DGKB: variants seen among roughly 807,000 people sequenced by gnomAD.
The protein encoded by DGKB is diacylglycerol kinase beta.
Under a neutral mutation model 114.3 loss-of-function variants are expected in DGKB, and 67 were observed. The observed-to-expected ratio is 0.59, with a 90% CI of 0.48 to 0.72. The LOEUF (loss-of-function observed/expected upper bound fraction) is 0.72, where lower values mean the gene tolerates loss of function less well. DGKB is among the 30% of genes least tolerant of loss of function. The probability of loss-of-function intolerance (pLI) is 0.00; values close to 1 mark genes in which losing one functional copy is unlikely to be tolerated. For missense variants in DGKB, 907 were observed against 975.2 expected (o/e 0.93, Z 0.93); for synonymous variants, 398 against 323.1 (o/e 1.23, Z -2.49).
chr7:14,243,701 A>C (rs983130821), intron 23 of DGKB, among the ~76,000 whole-genome samples: 1 of 152,130 alleles, frequency 6.6e-6, no homozygotes, highest in Non-Finnish European at 1.5e-5. Flanking sequence ...CTCTCCTCTT[A>C]ATATTACCTC....
chr7:14,233,368 T>A (rs1033345316), intron 23 of DGKB, among the ~76,000 whole-genome samples: 3 of 152,028 alleles, frequency 2.0e-5, no homozygotes, highest in African/African-American at 7.2e-5. Context: ...GGGGAGGATG[T>A]TCGTATTTGC....
At chr7:14,669,209 T>C (rs981817853) in intron 13 of DGKB, among the ~76,000 whole-genome samples, 2 of 152,202 alleles carry the variant, frequency 1.3e-5, no homozygotes. Flanking sequence ...TTGTTCCTTT[T>C]AAAATATAAG....
At chr7:14,899,338 T>C (rs1782613700) in intron 1 of DGKB, among the ~76,000 whole-genome samples, 1 of 152,142 alleles carries the variant, frequency 6.6e-6, no homozygotes, top group Admixed American at 6.6e-5. Flanking sequence ...AAAAAGAGTA[T>C]GTAAAGGAGA....
At chr7:14,601,486 T>C (rs983119890) in intron 17 of DGKB, among the ~76,000 whole-genome samples, 2 of 152,194 alleles carry the variant, frequency 1.3e-5, no homozygotes, top group African/African-American at 2.4e-5. Context: ...TGTTTTATCA[T>C]AAACACATTT....
chr7:14,841,436 T>C lies in DGKB; in HGVS notation c.-173A>G. ...CTGCTTTGGATGCTTGTAATTTCAA[T>C]AATGTGTTAAAGAACTGCAAAAAAA... On this transcript the variant is annotated 5_prime_UTR_variant, in exon 2 of 26. Coordinates refer to ENST00000402815, the MANE Select transcript of DGKB (RefSeq NM_001350709.2). 1 of 433,678 alleles carries C rather than the reference T, an allele frequency of 2.3e-6. No individual in the cohort carries two copies. The highest frequency in any genetic ancestry group is 4.0e-6 in the Non-Finnish European group (1 of 251,812). 26.9% of individuals were successfully genotyped at this position (433,678 alleles called of 1,614,324 possible).
At chr7:14,531,101 T>A (rs965176346) in intron 20 of DGKB, among the ~76,000 whole-genome samples, 1 of 151,590 alleles carries the variant, frequency 6.6e-6, no homozygotes, top group Non-Finnish European at 1.5e-5. Flanking sequence ...AATACACTTA[T>A]CTATTCCTTA....
intron 1 of DGKB, among the ~76,000 whole-genome samples, chr7:14,898,810 C>A (rs1263728070): frequency 1.3e-5 from 2 of 152,082 alleles, no homozygotes; most frequent in African/African-American, 4.8e-5. Flanking sequence ...TCCATTTATT[C>A]TCTGATTTTG....
chr7:14,235,343 C>T (rs1323887738), intron 23 of DGKB, among the ~76,000 whole-genome samples: 1 of 152,076 alleles, frequency 6.6e-6, no homozygotes, highest in Non-Finnish European at 1.5e-5. Context: ...ACAGTTTTCT[C>T]AGCATGCCAT....
intron 21 of DGKB, among the ~76,000 whole-genome samples, chr7:14,349,917 C>G (rs1813142688): frequency 6.6e-6 from 1 of 152,032 alleles, no homozygotes; most frequent in African/African-American, 2.4e-5. Flanking sequence ...ATGGTCACAG[C>G]AAAGTCAAAT....
chr7:14,155,846 G>T (rs562336431), intron 25 of DGKB, among the ~76,000 whole-genome samples: 2 of 152,190 alleles, frequency 1.3e-5, no homozygotes, highest in African/African-American at 4.8e-5. Context: ...ACTGTTGAGG[G>T]TGACGTTCTG....
intron 21 of DGKB, among the ~76,000 whole-genome samples, chr7:14,405,497 G>A (rs1192955973): frequency 6.6e-6 from 1 of 151,920 alleles, no homozygotes; most frequent in African/African-American, 2.4e-5. Flanking sequence ...GCTTCTTAAA[G>A]GATATAATCA....
intron 20 of DGKB, among the ~76,000 whole-genome samples, chr7:14,484,108 C>A (rs1331438508): frequency 6.6e-6 from 1 of 150,904 alleles, no homozygotes. Context: ...TTTTGATCCT[C>A]TTAATTTGAA....
chr7:14,689,040 T>C (rs915079168), intron 9 of DGKB, among the ~76,000 whole-genome samples: 3 of 151,970 alleles, frequency 2.0e-5, no homozygotes, highest in Admixed American at 2.0e-4. Flanking sequence ...CCACACCTAG[T>C]TATGTTTCAA....
At chr7:14,622,124 C>T (rs1807771822) in intron 14 of DGKB, among the ~76,000 whole-genome samples, 1 of 152,080 alleles carries the variant, frequency 6.6e-6, no homozygotes, top group South Asian at 2.1e-4. Context: ...ACTAAAATCA[C>T]CAATGACCGT....
rs1845275814 is a variant in DGKB, at chr7:14,823,761, G to T, written c.70+17433C>A. On this transcript the variant is annotated intron_variant, in intron 2 of 25. Coordinates refer to ENST00000402815, the MANE Select transcript of DGKB (RefSeq NM_001350709.2). ...ATTTTTCCCTGCTTCTCCATATACTGCAGGTTACCTAAAAGGAATTCATAT... is the reference window on the plus strand; with the variant it reads ...ATTTTTCCCTGCTTCTCCATATACTTCAGGTTACCTAAAAGGAATTCATAT... 2.0e-5 allele frequency among the ~76,000 whole-genome samples: 3 copies of T among 152,100 alleles called. No individual in the cohort carries two copies. In the South Asian group the frequency reaches 6.2e-4, roughly 32 times the overall value.
intron 21 of DGKB, among the ~76,000 whole-genome samples, chr7:14,409,325 A>C (rs1824458103): frequency 6.6e-6 from 1 of 152,046 alleles, no homozygotes; most frequent in African/African-American, 2.4e-5. Context: ...CAATACCATA[A>C]ACCTTGAATA....
chr7:14,382,708 G>C (rs189275024), intron 21 of DGKB, among the ~76,000 whole-genome samples: 3 of 152,298 alleles, frequency 2.0e-5, no homozygotes, highest in Non-Finnish European at 4.4e-5. Flanking sequence ...GAACATAAAA[G>C]TTTTGTTTTT....
At chr7:14,393,058 G>C (rs1403985066) in intron 21 of DGKB, among the ~76,000 whole-genome samples, 1 of 137,150 alleles carries the variant, frequency 7.3e-6, no homozygotes, top group African/African-American at 2.7e-5. Flanking sequence ...GCACGATCTC[G>C]GCTCACTGCA....
chr7:14,824,177 C>T (rs1845336029), intron 2 of DGKB, among the ~76,000 whole-genome samples: 1 of 152,114 alleles, frequency 6.6e-6, no homozygotes, highest in Admixed American at 6.6e-5. Flanking sequence ...AGGTCCCTCC[C>T]AGGACACATG....
Sources: gnomAD v4.1 joint callset for allele counts (sites outside exome capture counted in the v4.1 genomes callset) on GRCh38, gnomAD v4.1.1 for gene constraint, MANE v1.5 for transcripts, NCBI Gene and HGNC (gene_info 2026-07-23, HGNC 2026-07-21) for gene names.